TOP2B: variants seen among roughly 807,000 people sequenced by gnomAD.
The protein encoded by TOP2B is DNA topoisomerase II beta.
Under a neutral mutation model 193.5 loss-of-function variants are expected in TOP2B, and 51 were observed. The ratio of observed to expected loss-of-function variants is 0.26; its 90% CI spans 0.21 to 0.33. TOP2B has a LOEUF of 0.33. Ranked by LOEUF, TOP2B falls within the 10% of genes least tolerant of loss-of-function variation. The pLI is 1.00. For missense variants in TOP2B, 1,378 were observed against 1,909.3 expected (o/e 0.72, Z 5.19); for synonymous variants, 634 against 635.7 (o/e 1.00, Z 0.04).
intron 1 of TOP2B, among the ~76,000 whole-genome samples, chr3:25,651,526 A>C (rs1575586884): frequency 6.6e-6 from 1 of 152,108 alleles, no homozygotes; most frequent in East Asian, 1.9e-4. Flanking sequence ...GACATATAAA[A>C]AAATAATCAA....
chr3:25,614,425 C>T lies in TOP2B; in HGVS notation c.3591+780G>A, dbSNP rs932125514. ...AAAAAACTAATTAATGAACAATATA[C>T]GGAAAGCACAAAAAAAGGAAGACTC... On this transcript the variant is annotated intron_variant, in intron 27 of 35. Transcript: ENST00000264331. Among the ~76,000 whole-genome samples, 9 of 151,778 alleles carry T rather than the reference C, an allele frequency of 5.9e-5. No individual in the cohort carries two copies. The East Asian group carries it at 9.7e-4, about 16-fold the overall frequency.
chr3:25,616,836 G>C (rs914649145), intron 25 of TOP2B, among the ~76,000 whole-genome samples: 2 of 151,526 alleles, frequency 1.3e-5, no homozygotes, highest in Non-Finnish European at 2.9e-5. Context: ...ATGAATATGT[G>C]TATCTATCAC....
chr3:25,640,199 G>A (rs1487089194), intron 4 of TOP2B, among the ~76,000 whole-genome samples: 2 of 152,002 alleles, frequency 1.3e-5, no homozygotes, highest in Non-Finnish European at 2.9e-5. Context: ...ATGACTATGG[G>A]ACAAAATTCA....
chr3:25,598,200 AT>A lies in TOP2B; in HGVS notation c.*106del, dbSNP rs1701970477. 8.2e-7 allele frequency: 1 copy of A among 1,216,582 alleles called. No homozygotes were observed. The highest frequency in any genetic ancestry group is 1.5e-5 in the African/African-American group (1 of 65,802). 75.4% of individuals were successfully genotyped at this position (1,216,582 alleles called of 1,614,324 possible). The stretch of plus-strand genomic sequence containing the variant: ...CTACCACAATAATAAAAAACCGTCA[AT>A]TACATCATCACATTAAAATAAGCCA... On this transcript the variant is annotated 3_prime_UTR_variant, in exon 36 of 36. Transcript: ENST00000264331.
In TOP2B at chr3:25,632,708, T is replaced by C. The variant is rs768016786; in HGVS notation, c.1113A>G (p.Ser371=). The C allele has an allele frequency of 5.6e-6, 9 of 1,613,018 alleles. No homozygotes were observed. Among genetic ancestry groups the C allele is most frequent in the Non-Finnish European group, 7.6e-6 (9 of 1,179,302 alleles). The change falls in exon 9 of 36, where the codon TCA becomes TCG. Residue 371 remains serine, a synonymous_variant. Transcript: ENST00000264331. ...CATCCCTTACTTGAAATGGTTTCAC[T>C]GATACACCAGCTTTGTTCTTTTTCT... ...VVKKKNKAGV[S]VKPFQVKNHI... is the part of the protein sequence containing the mutation.
chr3:25,658,169 C>T (rs1703809043), intron 1 of TOP2B, among the ~76,000 whole-genome samples: 1 of 151,742 alleles, frequency 6.6e-6, no homozygotes, highest in Non-Finnish European at 1.5e-5. Flanking sequence ...GCAGAGCTTG[C>T]AGTGAGTCGA....
chr3:25,657,667 C>T (rs1221763352), intron 1 of TOP2B, among the ~76,000 whole-genome samples: 1 of 152,214 alleles, frequency 6.6e-6, no homozygotes, highest in Admixed American at 6.5e-5. Context: ...GATTTTACCT[C>T]TTTTTATTCT....
rs190902819 is a variant in TOP2B, at chr3:25,628,000, C to A, written c.1907-704G>T. ...CACTTGAACACATGAGGAAGAGAGC[C>A]GAGATCCCACCACTGCACTCCAGCC... On this transcript the variant is annotated intron_variant, in intron 15 of 35. Coordinates refer to ENST00000264331, the MANE Select transcript of TOP2B (RefSeq NM_001330700.2). Among the ~76,000 whole-genome samples, 439 of 150,286 alleles carry A rather than the reference C, an allele frequency of 2.9e-3. 1 individual carries two copies. The highest frequency in any genetic ancestry group is 9.9e-3 in the African/African-American group (403 of 40,842).
At chr3:25,661,488 T>A (rs1703908760) in intron 1 of TOP2B, among the ~76,000 whole-genome samples, 1 of 152,200 alleles carries the variant, frequency 6.6e-6, no homozygotes, top group African/African-American at 2.4e-5. Flanking sequence ...TTTGTTACAA[T>A]CACTTATGAT....
At chr3:25,653,310 G>GACAGAACAAGAGGACT (rs1703648034) in intron 1 of TOP2B, among the ~76,000 whole-genome samples, 2 of 152,132 alleles carry the variant, frequency 1.3e-5, no homozygotes, top group South Asian at 2.1e-4. Context: ...AAAACTAGAA[G>GACAGAACAAGAGGACT]ACAGAACAAG....
Position 25,636,096 on chromosome 3 carries a change from T to A in TOP2B, c.692A>T (p.Asp231Val). 1 of 1,610,216 alleles carries A rather than the reference T, an allele frequency of 6.2e-7. No individual in the cohort carries two copies. Residue 231 changes from aspartate (D) to valine (V), a missense_variant, in exon 7 of 36, where the codon GAT becomes GTT. Transcript: ENST00000264331. ...KTSEAKIKHF[D>V]GEDYTCITFQ... is the part of the protein sequence containing the mutation. ...TGTTATGCATGTGTAATCTTCACCA[T>A]CAAAATGTTTAATTTTGGCTTCAGA...
chr3:25,642,829 GAA>G (rs1305134690), intron 3 of TOP2B, among the ~76,000 whole-genome samples: 1 of 152,034 alleles, frequency 6.6e-6, no homozygotes, highest in African/African-American at 2.4e-5. Context: ...TACAAACAAA[GAA>G]AAAGTCTTTA....
chr3:25,616,131 T>G (rs551627010), intron 25 of TOP2B, among the ~76,000 whole-genome samples: 3 of 151,866 alleles, frequency 2.0e-5, no homozygotes, highest in African/African-American at 7.3e-5. Flanking sequence ...AATTTAAGAG[T>G]TGGTGAGTTA....
rs765856959 is a variant in TOP2B, at chr3:25,632,810, T to C, written c.1027-16A>G. 14 of 1,581,076 alleles carry C rather than the reference T, an allele frequency of 8.9e-6. No individual in the cohort carries two copies. The South Asian group carries it at 1.5e-4, about 16-fold the overall frequency. On this transcript the variant is annotated splice_polypyrimidine_tract_variant and intron_variant, in intron 8 of 35. Coordinates refer to ENST00000264331, the MANE Select transcript of TOP2B (RefSeq NM_001330700.2). ...GCCGTCCACCCTAAAGAAAAAAAAA[T>C]ATATGAAATCTGAAATCCTGTATTG...
At chr3:25,663,517 G>A (rs1239575210) in intron 1 of TOP2B, among the ~76,000 whole-genome samples, 2 of 152,192 alleles carry the variant, frequency 1.3e-5, no homozygotes, top group East Asian at 3.9e-4. Flanking sequence ...ACTGAGCGTC[G>A]AAATCCTTTA....
intron 33 of TOP2B, 38 bp downstream of exon 33, chr3:25,604,722 C>A: frequency 7.0e-7 from 1 of 1,424,964 alleles, no homozygotes; most frequent in South Asian, 1.2e-5. Context: ...TTAACTATCT[C>A]TATCCAATGC....
At chr3:25,626,481 T>A in intron 18 of TOP2B, 79 bp downstream of exon 18, 1 of 765,338 alleles carries the variant, frequency 1.3e-6, no homozygotes, top group Non-Finnish European at 2.0e-6. Flanking sequence ...TTAATATGTA[T>A]CATAAGGATG....
intron 1 of TOP2B, among the ~76,000 whole-genome samples, chr3:25,658,219 G>C (rs1015048806): frequency 3.4e-4 from 51 of 151,484 alleles, no homozygotes; most frequent in Non-Finnish European, 4.7e-4. Flanking sequence ...ACAACAGAGC[G>C]AGATTCCATC....
rs200710290 is a variant in TOP2B at position 25,632,611 on chromosome 3, A to G, written c.1129-28T>C. On this transcript the variant is annotated intron_variant, in intron 9 of 35. Coordinates refer to ENST00000264331, the MANE Select transcript of TOP2B (RefSeq NM_001330700.2). ...GTTGAAAACATACCCAAAAAAGTCA[A>G]TATCAGAGCTGATATTTAGTAATTC... 1.1e-4 allele frequency: 181 copies of G among 1,601,984 alleles called. 1 individual carries two copies. Among genetic ancestry groups the G allele is most frequent in the South Asian group, 2.4e-4 (21 of 88,090 alleles).
Sources: allele counts gnomAD v4.1 joint callset (sites outside exome capture counted in the v4.1 genomes callset), GRCh38; gene constraint gnomAD v4.1.1; transcripts MANE v1.5; gene names NCBI Gene and HGNC (gene_info 2026-07-23, HGNC 2026-07-21).